The following TLE1 variants were observed in gnomAD, a reference collection of about 807,000 sequenced individuals.
The protein encoded by TLE1 is TLE family member 1, transcriptional corepressor.
Under a neutral mutation model 89.8 loss-of-function variants are expected in TLE1, and 21 were observed. The observed-to-expected ratio is 0.23, with a 90% CI of 0.17 to 0.34. TLE1 has a LOEUF of 0.34. Among genes scored for constraint, TLE1 ranks in the 10% least tolerant of loss-of-function variants. The probability of loss-of-function intolerance (pLI) is 1.00; values close to 1 mark genes in which losing one functional copy is unlikely to be tolerated. For missense variants in TLE1, 795 were observed against 1,031.2 expected, an observed-to-expected ratio of 0.77 and a Z score of 3.14; for synonymous variants, 447 against 407.6, an observed-to-expected ratio of 1.10 and a Z score of -1.16.
chr9:81,633,301 GT>G (rs764344585), intron 8 of TLE1, 46 bp downstream of exon 8: 303 of 776,634 alleles, frequency 3.9e-4, no homozygotes, highest in Non-Finnish European at 4.6e-4. Context: ...GTGTGTGTGT[GT>G]GTGTGTGTGT....
chr9:81,600,370 T>G (rs1338629534), intron 14 of TLE1, among the ~76,000 whole-genome samples: 1 of 151,978 alleles, frequency 6.6e-6, no homozygotes, highest in Non-Finnish European at 1.5e-5. Flanking sequence ...TAAACACAAC[T>G]GACATCAAAA....
Position 81,688,595 on chromosome 9 carries a change from G to C in TLE1, c.-355C>G. 1 of 262,766 alleles carries C rather than the reference G, an allele frequency of 3.8e-6. No individual in the cohort carries two copies. The highest frequency in any genetic ancestry group is 7.1e-5 in the East Asian group (1 of 14,126). The allele number at this position is 262,766 out of a possible 1,614,324, so 16.3% of individuals were successfully genotyped here. A position where few individuals can be genotyped will look rare whatever the true frequency, so the allele number is the denominator to read the frequency against. ...GGGGAGGCGGGGGCGCGGTGACTCC[G>C]ACCGCACTCCCCTCGGCGATCCGCG... On this transcript the variant is annotated 5_prime_UTR_variant, in exon 1 of 20. Transcript: ENST00000376499.
chr9:81,612,216 G>A (rs1022145531), intron 12 of TLE1: 2 of 864,336 alleles, frequency 2.3e-6, no homozygotes, highest in Admixed American at 4.5e-5. Context: ...GGCAGCACCA[G>A]GAAGCCAGGG....
rs1460677575 is a variant in TLE1, at chr9:81,687,367, T to C, written c.92A>G (p.Glu31Gly). Residue 31 changes from glutamate to glycine, a missense_variant, in exon 2 of 20, where the codon GAG becomes GGG. Glu to Gly is a moderately conservative substitution (Grantham distance 98). Transcript: ENST00000376499. ...TIPESLDRIK[E>G]EFQFLQAQYH... ...CTGCGCCTGCAGGAACTGGAATTCC[T>C]CTTTAATCCGGTCCAGGGACTCCGG... The C allele has an allele frequency of 1.9e-6, 3 of 1,609,626 alleles. No homozygotes were observed. Among genetic ancestry groups the C allele is most frequent in the Non-Finnish European group, 2.5e-6 (3 of 1,179,044 alleles).
At chr9:81,585,090 G>C (rs746177488) in intron 18 of TLE1, among the ~76,000 whole-genome samples, 1 of 152,064 alleles carries the variant, frequency 6.6e-6, no homozygotes, top group Non-Finnish European at 1.5e-5. Context: ...CCTCACTGTA[G>C]AGTAGAGTGT....
Position 81,687,443 on chromosome 9 carries a change from GA to G in TLE1, c.25-10del. 6.2e-7 allele frequency: 1 copy of G among 1,603,710 alleles called. No homozygotes were observed. Among genetic ancestry groups the G allele is most frequent in the African/African-American group, 1.3e-5 (1 of 74,976 alleles). On this transcript the variant is annotated splice_polypyrimidine_tract_variant and intron_variant, in intron 1 of 19. Coordinates refer to ENST00000376499, the MANE Select transcript of TLE1 (RefSeq NM_005077.5). ...GCAGCCTGGTGCGGCGTCTGGGGGCGACCAGCGAGGGGGACCGAGGGACGGG... is the reference window on the plus strand; with the variant it reads ...GCAGCCTGGTGCGGCGTCTGGGGGCGCCAGCGAGGGGGACCGAGGGACGGG...
chr9:81,645,634 G>A (rs888351309), intron 6 of TLE1, among the ~76,000 whole-genome samples: 7 of 151,846 alleles, frequency 4.6e-5, no homozygotes, highest in African/African-American at 1.5e-4. Context: ...AAGCTCCTTG[G>A]GAGGCTGAGG....
intron 4 of TLE1, among the ~76,000 whole-genome samples, chr9:81,681,221 G>T (rs532300011): frequency 5.3e-5 from 8 of 152,080 alleles, no homozygotes; most frequent in Admixed American, 1.3e-4. Flanking sequence ...CTTCCTTTCA[G>T]ATTTTCAGAG....
chr9:81,633,324 T>TGC (rs1554681635), intron 8 of TLE1, 24 bp downstream of exon 8: 3 of 1,607,066 alleles, frequency 1.9e-6, no homozygotes, highest in South Asian at 1.1e-5. Context: ...TGTGTGTGTG[T>TGC]GCAGCAGGCG....
At chr9:81,673,030 T>C (rs1160219429) in intron 4 of TLE1, among the ~76,000 whole-genome samples, 1 of 151,916 alleles carries the variant, frequency 6.6e-6, no homozygotes. Context: ...CCCAGCACTT[T>C]GGGAGGCTGA....
intron 4 of TLE1, among the ~76,000 whole-genome samples, chr9:81,657,199 T>C (rs1425306698): frequency 6.6e-6 from 1 of 152,216 alleles, no homozygotes; most frequent in East Asian, 1.9e-4. Flanking sequence ...CTTCCTTGAA[T>C]GGGACAAATA....
chr9:81,606,619 C>T (rs1305913797), intron 14 of TLE1, among the ~76,000 whole-genome samples: 1 of 151,940 alleles, frequency 6.6e-6, no homozygotes, highest in Non-Finnish European at 1.5e-5. Flanking sequence ...CACACTGGGG[C>T]CTGTCAGCAG....
intron 4 of TLE1, among the ~76,000 whole-genome samples, chr9:81,657,961 G>A (rs1830344223): frequency 6.9e-6 from 1 of 145,506 alleles, no homozygotes. Context: ...CTAGGCTGGA[G>A]TGCAGTGGCA....
intron 16 of TLE1, among the ~76,000 whole-genome samples, chr9:81,589,312 C>T (rs1294069052): frequency 6.6e-6 from 1 of 152,192 alleles, no homozygotes; most frequent in African/African-American, 2.4e-5. Flanking sequence ...CATCCCTCTG[C>T]CCTCTCTCCG....
chr9:81,608,977 GA>G (rs1202873324), intron 14 of TLE1, among the ~76,000 whole-genome samples: 2 of 150,300 alleles, frequency 1.3e-5, no homozygotes, highest in African/African-American at 2.4e-5. Context: ...AAAAGAAAAA[GA>G]AAAAAAAGCA....
At chr9:81,684,846 C>T (rs1404048457) in intron 4 of TLE1, among the ~76,000 whole-genome samples, 1 of 152,188 alleles carries the variant, frequency 6.6e-6, no homozygotes, top group Admixed American at 6.5e-5. Context: ...GCCATTAATG[C>T]TTTCTTTGGC....
intron 14 of TLE1, among the ~76,000 whole-genome samples, chr9:81,601,251 G>A (rs1830884434): frequency 6.6e-6 from 1 of 152,178 alleles, no homozygotes; most frequent in African/African-American, 2.4e-5. Flanking sequence ...CCCGGCCACT[G>A]AAACTTTTTC....
intron 6 of TLE1, among the ~76,000 whole-genome samples, chr9:81,649,733 AACAG>A (rs752015626): frequency 7.9e-5 from 12 of 152,118 alleles, no homozygotes; most frequent in Non-Finnish European, 1.5e-4. Context: ...TGCTTGTAGG[AACAG>A]ACAGTTTCCC....
chr9:81,589,378 G>A (rs1421291219), intron 16 of TLE1, among the ~76,000 whole-genome samples: 5 of 152,130 alleles, frequency 3.3e-5, no homozygotes, highest in South Asian at 2.1e-4. Flanking sequence ...TGTTCAGAAC[G>A]TGCTGGGTTA....
Sources: allele counts gnomAD v4.1 joint callset (sites outside exome capture counted in the v4.1 genomes callset), GRCh38; gene constraint gnomAD v4.1.1; transcripts MANE v1.5; gene names NCBI Gene and HGNC (gene_info 2026-07-23, HGNC 2026-07-21).